CACNA1H: variants seen among roughly 807,000 people sequenced by gnomAD.
The protein encoded by CACNA1H is calcium voltage-gated channel subunit alpha1 H, also known as voltage-dependent T-type calcium channel subunit alpha-1H.
A neutral mutation model predicts 192.5 loss-of-function variants in CACNA1H; 149 were observed. The observed-to-expected ratio is 0.77, with a 90% CI of 0.68 to 0.89. The LOEUF is 0.89. CACNA1H is among the 40% of genes least tolerant of loss of function. The probability of loss-of-function intolerance (pLI) is 0.00; values close to 1 mark genes in which losing one functional copy is unlikely to be tolerated. For missense variants in CACNA1H, 4,257 were observed against 3,423.5 expected (o/e 1.24, Z -6.08); for synonymous variants, 2,202 against 1,475.2 (o/e 1.49, Z -11.29).
Position 1,204,509 on chromosome 16 carries a change from C to G in CACNA1H, c.2451+51C>G, listed in dbSNP as rs1968412590. 7 of 1,427,472 alleles carry G rather than the reference C, an allele frequency of 4.9e-6. No individual in the cohort carries two copies. In the South Asian group the frequency reaches 9.7e-5, roughly 20 times the overall value. The allele number at this position is 1,427,472 out of a possible 1,614,324, so 88.4% of individuals were successfully genotyped here. On this transcript the variant is annotated intron_variant, in intron 10 of 34. Coordinates refer to ENST00000348261, the MANE Select transcript of CACNA1H (RefSeq NM_021098.3). The stretch of plus-strand genomic sequence containing the variant: ...GGGCTCCCTGTCAGGCTTGCAGGGC[C>G]TGGGGAGTCTCAGGAGGCTTCCAGC...
intron 2 of CACNA1H, among the ~76,000 whole-genome samples, chr16:1,184,705 G>A (rs912500028): frequency 1.3e-5 from 2 of 152,242 alleles, no homozygotes; most frequent in Non-Finnish European, 2.9e-5. Context: ...CGTGGCAGGA[G>A]GAGGAGACAC....
chr16:1,169,459 C>A (rs1396378798), intron 2 of CACNA1H, among the ~76,000 whole-genome samples: 1 of 152,168 alleles, frequency 6.6e-6, no homozygotes, highest in Non-Finnish European at 1.5e-5. Flanking sequence ...ATGCCCGCGG[C>A]CCCCGCGACG....
At chr16:1,172,765 G>C (rs755208397) in intron 2 of CACNA1H, among the ~76,000 whole-genome samples, 1 of 152,112 alleles carries the variant, frequency 6.6e-6, no homozygotes, top group Non-Finnish European at 1.5e-5. Flanking sequence ...CAGGGGCGGA[G>C]TGGGCTGCTG....
chr16:1,179,730 CTT>C lies in CACNA1H; in HGVS notation c.300-15221_300-15220del, dbSNP rs758652517. On this transcript the variant is annotated intron_variant, in intron 2 of 34. Transcript: ENST00000348261. Reference sequence around the variant, plus strand: ...AGGTGTGAGCCACCACGCCCGGCCTCTTTTTTTTTTTTTTTTTTTTTTGAGAT... The same window carrying C: ...AGGTGTGAGCCACCACGCCCGGCCTCTTTTTTTTTTTTTTTTTTTTGAGAT... Among the ~76,000 whole-genome samples the C allele has an allele frequency of 3.1e-3, 336 of 109,084 alleles. 3 individuals carry two copies. The highest frequency in any genetic ancestry group is 0.012 in the African/African-American group (313 of 26,222). The allele number at this position is 109,084 out of a possible 152,430, so 71.6% of individuals were successfully genotyped here.
In CACNA1H at chr16:1,201,520, G is replaced by A. The variant is rs181689488; in HGVS notation, c.1213-143G>A. The A allele has an allele frequency of 2.7e-4, 269 of 1,013,106 alleles. 1 individual carries two copies. In the African/African-American group the frequency reaches 3.5e-3, roughly 13 times the overall value. The allele number at this position is 1,013,106 out of a possible 1,614,324, so 62.8% of individuals were successfully genotyped here. On this transcript the variant is annotated intron_variant, in intron 8 of 34. Transcript: ENST00000348261. ...ACGTGGGGGCTCAGCACTGAACACC[G>A]CAGCAGCCTGCCCATAGCAGGGCAC...
At position 1,212,081 on chromosome 16, in the gene CACNA1H, G is replaced by GAGGAGGCGC; in HGVS notation, c.4703_4711dup (p.Ala1570_Arg1571insGlnGluAla). 1 of 1,612,582 alleles carries GAGGAGGCGC rather than the reference G, an allele frequency of 6.2e-7. No individual in the cohort carries two copies. Among genetic ancestry groups the GAGGAGGCGC allele is most frequent in the Non-Finnish European group, 8.5e-7 (1 of 1,179,640 alleles). On this transcript the variant is annotated inframe_insertion, in exon 25 of 35. Transcript: ENST00000348261. ...CAAGTGCCGGCAGCACCAGGAGGCG[G>GAGGAGGCGC]AGGAGGCGCGGCGGCGAGAGGAGAA... is the stretch of plus-strand genomic sequence containing the variant.
intron 2 of CACNA1H, chr16:1,157,601 C>CG (rs1555499222): frequency 2.6e-5 from 4 of 152,272 alleles, no homozygotes; most frequent in Non-Finnish European, 5.9e-5. Flanking sequence ...CCACGTGCCC[C>CG]GCAGGCCTCT....
In CACNA1H at chr16:1,202,146, C is replaced by A. The variant is rs891039616; in HGVS notation, c.1696C>A (p.Pro566Thr). ...CTCGCCACCTTCCCCAGGCCGCGGA[C>A]CCCCCGACGCAGAGTCTGTGCACAG... ...PPSPPSPGRG[P>T]PDAESVHSIY... The change falls in exon 9 of 35, where the codon CCC becomes ACC. Residue 566 changes from proline (P) to threonine (T), a missense_variant. Coordinates refer to ENST00000348261, the MANE Select transcript of CACNA1H (RefSeq NM_021098.3). 7 of 1,547,368 alleles carry A rather than the reference C, an allele frequency of 4.5e-6. No individual in the cohort carries two copies. Among genetic ancestry groups the A allele is most frequent in the Non-Finnish European group, 6.1e-6 (7 of 1,145,398 alleles).
rs1392501822 is a variant in CACNA1H, at chr16:1,207,415, G to A, written c.3048G>A (p.Glu1016=). ...LFNLLVAILV[E]GFQAEGDANR... is the part of the protein sequence containing the mutation. ...ACCTGCTGGTGGCCATCCTCGTGGA[G>A]GGCTTCCAGGCGGAGGTGAGGGGGC... The change falls in exon 14 of 35, where the codon GAG becomes GAA. Residue 1016 remains glutamate, a synonymous_variant. Coordinates refer to ENST00000348261, the MANE Select transcript of CACNA1H (RefSeq NM_021098.3). 1.2e-6 allele frequency: 2 copies of A among 1,613,100 alleles called. No homozygotes were observed. The highest frequency in any genetic ancestry group is 1.7e-6 in the Non-Finnish European group (2 of 1,179,790).
intron 2 of CACNA1H, among the ~76,000 whole-genome samples, chr16:1,181,710 C>T (rs1025489219): frequency 2.0e-5 from 3 of 152,158 alleles, no homozygotes; most frequent in African/African-American, 4.8e-5. Context: ...GCTCCAGCTC[C>T]GTGGTGGTGC....
At position 1,201,708 on chromosome 16, in the gene CACNA1H, A is replaced by G; in HGVS notation, c.1258A>G (p.Thr420Ala). Residue 420 changes from threonine (T) to alanine (A), a missense_variant, in exon 9 of 35, where the codon ACG becomes GCG. By Grantham distance (58) the Thr-to-Ala change is moderately conservative. Coordinates refer to ENST00000348261, the MANE Select transcript of CACNA1H (RefSeq NM_021098.3). ...CAACCTGTGCCTGGTGGTGATTGCCACGCAGTTCTCGGAGACGAAGCAGCG... is the reference window on the plus strand; with the variant it reads ...CAACCTGTGCCTGGTGGTGATTGCCGCGCAGTTCTCGGAGACGAAGCAGCG... Reference protein sequence around the residue: ...MINLCLVVIATQFSETKQRES... With the variant: ...MINLCLVVIAAQFSETKQRES... The G allele has an allele frequency of 1.2e-6, 2 of 1,609,448 alleles. No homozygotes were observed. Among genetic ancestry groups the G allele is most frequent in the Non-Finnish European group, 1.7e-6 (2 of 1,177,844 alleles).
chr16:1,209,996 C>T, intron 17 of CACNA1H, 39 bp from the exon 18 acceptor site: 14 of 1,474,048 alleles, frequency 9.5e-6, no homozygotes, highest in African/African-American at 1.4e-5. Flanking sequence ...GCCGGGCAGG[C>T]AGGCGCAGGC....
intron 2 of CACNA1H, among the ~76,000 whole-genome samples, chr16:1,169,107 A>G (rs904437012): frequency 1.4e-5 from 2 of 140,578 alleles, no homozygotes; most frequent in African/African-American, 5.3e-5. Flanking sequence ...TCCAGATACC[A>G]GAACGCTGGG....
chr16:1,194,898 G>C (rs1045452711), intron 2 of CACNA1H, 74 bp from the exon 3 acceptor site: 4 of 1,097,538 alleles, frequency 3.6e-6, no homozygotes, highest in Admixed American at 1.7e-5. Flanking sequence ...CCGGCTGACC[G>C]GGTGGGCATT....
At chr16:1,165,454 G>A (rs546552143) in intron 2 of CACNA1H, among the ~76,000 whole-genome samples, 1 of 152,324 alleles carries the variant, frequency 6.6e-6, no homozygotes, top group Non-Finnish European at 1.5e-5. Context: ...GAGGCCTATG[G>A]TCTCAGGGAG....
chr16:1,195,558 G>C lies in CACNA1H; in HGVS notation c.538G>C (p.Val180Leu), dbSNP rs1293889756. The C allele has an allele frequency of 6.3e-7, 1 of 1,591,978 alleles. No individual in the cohort carries two copies. The highest frequency in any genetic ancestry group is 1.8e-4 in the Middle Eastern group (1 of 5,574). Residue 180 changes from valine (V) to leucine (L), a missense_variant, in exon 4 of 35, where the codon GTG (valine) becomes CTG (leucine). By Grantham distance (32) the Val-to-Leu change is conservative (BLOSUM62 1). Transcript: ENST00000348261. ...TWNRLDFFIV[V>L]AGMMEYSLDG... Reference sequence around the variant, plus strand: ...GAACAGGCTGGATTTCTTCATCGTCGTGGCGGGGTAGGCCCCGCCTGGGAG... The same window carrying C: ...GAACAGGCTGGATTTCTTCATCGTCCTGGCGGGGTAGGCCCCGCCTGGGAG...
chr16:1,162,629 A>G (rs971870686), intron 2 of CACNA1H, among the ~76,000 whole-genome samples: 1 of 133,480 alleles, frequency 7.5e-6, no homozygotes, highest in Middle Eastern at 3.5e-3. Context: ...GCTCCTGCGG[A>G]CACCTGGAGT....
Position 1,202,349 on chromosome 16 carries a change from G to T in CACNA1H, c.1899G>T (p.Lys633Asn). The part of the protein sequence containing the change: ...SGKGSTSPGP[K>N]GKWAGGPPGT... The stretch of plus-strand genomic sequence containing the variant: ...AAGGCAGCACCAGCCCCGGACCCAA[G>T]GGGAAGTGGGCCGGTGGACCGCCAG... The change falls in exon 9 of 35, where the codon AAG becomes AAT. Residue 633 changes from lysine to asparagine, a missense_variant. By Grantham distance (94) the Lys-to-Asn change is moderately conservative. Coordinates refer to ENST00000348261, the MANE Select transcript of CACNA1H (RefSeq NM_021098.3). 6.4e-7 allele frequency: 1 copy of T among 1,569,456 alleles called. No individual in the cohort carries two copies. The highest frequency in any genetic ancestry group is 2.4e-5 in the East Asian group (1 of 42,090).
chr16:1,193,024 G>A (rs953876092), intron 2 of CACNA1H, among the ~76,000 whole-genome samples: 6 of 152,126 alleles, frequency 3.9e-5, no homozygotes, highest in African/African-American at 1.4e-4. Context: ...CCAGGGAGAG[G>A]CAGTGCCACC....
Sources: gnomAD v4.1 joint callset for allele counts (sites outside exome capture counted in the v4.1 genomes callset) on GRCh38, gnomAD v4.1.1 for gene constraint, MANE v1.5 for transcripts, NCBI Gene and HGNC (gene_info 2026-07-23, HGNC 2026-07-21) for gene names.